The following ELOVL6 variants were observed in gnomAD, a reference collection of about 807,000 sequenced individuals.
ELOVL6 encodes the protein ELOVL fatty acid elongase 6.
A neutral mutation model predicts 31.7 loss-of-function variants in ELOVL6; 8 were observed. The ratio of observed to expected loss-of-function variants is 0.25; its 90% CI spans 0.15 to 0.45. ELOVL6 has a LOEUF of 0.45. ELOVL6 is among the 20% of genes least tolerant of loss of function. ELOVL6 has a pLI of 1.00. For synonymous variants in ELOVL6, 101 were observed against 117.7 expected (o/e 0.86, Z 0.92); for missense variants, 126 against 326.4 (o/e 0.39, Z 4.73).
chr4:110,148,455 A>G (rs1289063258), intron 1 of ELOVL6, among the ~76,000 whole-genome samples: 2 of 146,876 alleles, frequency 1.4e-5, no homozygotes, highest in African/African-American at 5.0e-5. Flanking sequence ...GATAGAGAGT[A>G]GAAAGATGGT....
At position 110,051,704 on chromosome 4, in the gene ELOVL6, G is replaced by A. The variant is rs1380059817; in HGVS notation, c.432C>T (p.His144=). ...AAGAGTACAGGAGCACAGTGATGTG[G>A]TGATACCAGTGCAGGAAGATCAGCT... ...KQKLIFLHWY[H]HITVLLYSWY... Residue 144 remains histidine, a synonymous_variant, in exon 4 of 4, where the codon CAC becomes CAT. Coordinates refer to ENST00000302274, the MANE Select transcript of ELOVL6 (RefSeq NM_024090.3). This position sits in a 1 kb window ranked among gnomAD's most constrained non-coding sequence, Gnocchi z 4.8. The A allele has an allele frequency of 3.1e-6, 5 of 1,614,074 alleles. No individual in the cohort carries two copies. The highest frequency in any genetic ancestry group is 4.2e-6 in the Non-Finnish European group (5 of 1,179,950).
At chr4:110,172,075 G>A (rs1286224037) in intron 1 of ELOVL6, among the ~76,000 whole-genome samples, 1 of 152,106 alleles carries the variant, frequency 6.6e-6, no homozygotes, top group African/African-American at 2.4e-5. Context: ...CCAAAGTCAT[G>A]AGAATCCCAA....
At chr4:110,071,315 G>A (rs966975217) in intron 2 of ELOVL6, among the ~76,000 whole-genome samples, 1 of 152,136 alleles carries the variant, frequency 6.6e-6, no homozygotes, top group Non-Finnish European at 1.5e-5. Context: ...TTAGCACAAA[G>A]CATACCAAAG....
intron 1 of ELOVL6, among the ~76,000 whole-genome samples, chr4:110,148,917 G>A (rs908806876): frequency 1.3e-5 from 2 of 152,228 alleles, no homozygotes; most frequent in Non-Finnish European, 2.9e-5. Context: ...CTGGAGTGCA[G>A]TGCTACCATC....
chr4:110,061,139 CT>C (rs1755125561), intron 2 of ELOVL6, among the ~76,000 whole-genome samples: 1 of 152,142 alleles, frequency 6.6e-6, no homozygotes, highest in Non-Finnish European at 1.5e-5. Context: ...GATATAGATC[CT>C]GTTTAATCCT....
chr4:110,084,057 GATATATAAC>G (rs1756020313), intron 2 of ELOVL6, among the ~76,000 whole-genome samples: 2 of 18,884 alleles, frequency 1.1e-4, no homozygotes, highest in South Asian at 3.9e-3. Context: ...TGCTATATAT[GATATATAAC>G]ATATATATGC....
rs57846282 is a variant in ELOVL6 at position 110,061,549 on chromosome 4, C to CTTTTTT, written c.222-1801_222-1796dup. On this transcript the variant is annotated intron_variant, in intron 2 of 3. Coordinates refer to ENST00000302274, the MANE Select transcript of ELOVL6 (RefSeq NM_024090.3). ...CTGTCTTTCCCTCACCAAATGATGG[C>CTTTTTT]TTTTTTTTTTTTTTTTTTTTTTTTT... 1.7e-3 allele frequency among the ~76,000 whole-genome samples: 126 copies of CTTTTTT among 72,362 alleles called. 14 individuals are homozygous for CTTTTTT. The highest frequency in any genetic ancestry group is 5.2e-3 in the African/African-American group (104 of 19,888). 47.5% of individuals were successfully genotyped at this position (72,362 alleles called of 152,430 possible).
chr4:110,070,793 G>T (rs574445703), intron 2 of ELOVL6, among the ~76,000 whole-genome samples: 2 of 151,960 alleles, frequency 1.3e-5, no homozygotes. Flanking sequence ...TTCCCCAGTC[G>T]CCTCCACCAT....
At chr4:110,165,977 C>T (rs982303395) in intron 1 of ELOVL6, among the ~76,000 whole-genome samples, 5 of 152,132 alleles carry the variant, frequency 3.3e-5, no homozygotes, top group African/African-American at 1.2e-4. Context: ...TATCAACCCA[C>T]GATCCTGCTT....
intron 2 of ELOVL6, among the ~76,000 whole-genome samples, chr4:110,097,305 C>T (rs868434046): frequency 1.1e-5 from 1 of 88,684 alleles, no homozygotes; most frequent in Non-Finnish European, 2.3e-5. Flanking sequence ...ACTCCATCTC[C>T]AAAAAAAAAA....
intron 2 of ELOVL6, among the ~76,000 whole-genome samples, chr4:110,076,973 G>A (rs55652907): frequency 0.19 from 28,983 of 152,164 alleles, 4,062 homozygotes; most frequent in African/African-American, 0.38. Flanking sequence ...TACGCCCACA[G>A]AGCCTCGCTC....
intron 1 of ELOVL6, among the ~76,000 whole-genome samples, chr4:110,192,912 C>T (rs544226592): frequency 1.3e-5 from 2 of 152,296 alleles, no homozygotes; most frequent in African/African-American, 4.8e-5. Context: ...CAGCAAGTGA[C>T]ATGAGTACAA....
At chr4:110,093,534 C>T (rs1368224100) in intron 2 of ELOVL6, among the ~76,000 whole-genome samples, 1 of 152,208 alleles carries the variant, frequency 6.6e-6, no homozygotes, top group Non-Finnish European at 1.5e-5. Flanking sequence ...ATATCACTCA[C>T]TGTTATTTTC....
At chr4:110,084,586 ATATTTTTTTTTTTTT>A (rs577148766) in intron 2 of ELOVL6, among the ~76,000 whole-genome samples, 44 of 39,606 alleles carry the variant, frequency 1.1e-3, no homozygotes, top group African/African-American at 6.2e-3. Flanking sequence ...ATATATATAT[ATATTTTTTTTTTTTT>A]TTTTTTTTTT....
chr4:110,196,722 T>C (rs577255656), intron 1 of ELOVL6, among the ~76,000 whole-genome samples: 41 of 151,918 alleles, frequency 2.7e-4, no homozygotes, highest in African/African-American at 9.9e-4. Flanking sequence ...CTTGGGCCCC[T>C]AGCCCACCGC....
At chr4:110,144,029 G>A (rs1412943574) in intron 1 of ELOVL6, among the ~76,000 whole-genome samples, 1 of 141,316 alleles carries the variant, frequency 7.1e-6, no homozygotes, top group African/African-American at 2.7e-5. Context: ...ACTCCAGCCT[G>A]GGCAACAAGA....
At chr4:110,125,890 G>A (rs925320806) in intron 1 of ELOVL6, among the ~76,000 whole-genome samples, 1 of 151,832 alleles carries the variant, frequency 6.6e-6, no homozygotes, top group Admixed American at 6.6e-5. Flanking sequence ...ATTCATGTGG[G>A]TTATAAAAAG....
At chr4:110,186,249 C>G (rs1187466663) in intron 1 of ELOVL6, among the ~76,000 whole-genome samples, 1 of 152,042 alleles carries the variant, frequency 6.6e-6, no homozygotes, top group East Asian at 1.9e-4. Flanking sequence ...AGTGACTTAA[C>G]AAGTAGGTGA....
At chr4:110,141,738 GTATT>G (rs1007579241) in intron 1 of ELOVL6, among the ~76,000 whole-genome samples, 24 of 138,178 alleles carry the variant, frequency 1.7e-4, no homozygotes, top group Non-Finnish European at 2.9e-4. Context: ...GTATTGTATT[GTATT>G]TATATATATA....
Sources: allele counts gnomAD v4.1 joint callset (sites outside exome capture counted in the v4.1 genomes callset), GRCh38; gene constraint gnomAD v4.1.1; non-coding constraint Gnocchi (gnomAD v3.1); transcripts MANE v1.5; gene names NCBI Gene and HGNC (gene_info 2026-07-23, HGNC 2026-07-21).